Variants in LHFPL3 observed in about 807,000 individuals in gnomAD.
The protein encoded by LHFPL3 is LHFPL tetraspan subfamily member 3 protein.
In LHFPL3, 5 loss-of-function variants were observed where a neutral mutation model predicts 19.3. That is an observed-to-expected ratio of 0.26 (90% CI 0.14 to 0.54). LHFPL3 has a LOEUF of 0.54. Ranked by LOEUF, LHFPL3 falls within the 20% of genes least tolerant of loss-of-function variation. The probability of loss-of-function intolerance (pLI) is 0.94; values close to 1 mark genes in which losing one functional copy is unlikely to be tolerated. For synonymous variants in LHFPL3, 133 were observed against 126.2 expected (o/e 1.05, Z -0.36); for missense variants, 249 against 307.4 (o/e 0.81, Z 1.42).
At chr7:104,784,131 CAA>C (rs1789868368) in intron 2 of LHFPL3, among the ~76,000 whole-genome samples, 1 of 152,132 alleles carries the variant, frequency 6.6e-6, no homozygotes, top group Non-Finnish European at 1.5e-5. Context: ...CTGGAATTGC[CAA>C]AGAGTGGTAG....
intron 1 of LHFPL3, among the ~76,000 whole-genome samples, chr7:104,403,587 G>A (rs985372447): frequency 2.6e-5 from 4 of 152,128 alleles, no homozygotes; most frequent in Admixed American, 1.3e-4. Context: ...GTAATTCTCA[G>A]ATCTCTTTAT....
chr7:104,616,663 T>TG (rs1186822611), intron 1 of LHFPL3, among the ~76,000 whole-genome samples: 1 of 152,198 alleles, frequency 6.6e-6, no homozygotes, highest in East Asian at 1.9e-4. Context: ...AAAGAGCTTC[T>TG]GCACAGCAAA....
chr7:104,642,653 G>A (rs1210142708), intron 1 of LHFPL3, among the ~76,000 whole-genome samples: 1 of 152,064 alleles, frequency 6.6e-6, no homozygotes, highest in Non-Finnish European at 1.5e-5. Flanking sequence ...ACCTCTCCAT[G>A]CAGAAATACA....
intron 1 of LHFPL3, among the ~76,000 whole-genome samples, chr7:104,400,821 C>T (rs1791299825): frequency 6.6e-6 from 1 of 152,150 alleles, no homozygotes; most frequent in Non-Finnish European, 1.5e-5. Flanking sequence ...TTCATAAGAA[C>T]TGTTTATTAT....
rs1271863628 is a variant in LHFPL3, at chr7:104,754,341, G to A, written c.682+17430G>A. On this transcript the variant is annotated intron_variant, in intron 2 of 2. Transcript: ENST00000424859. The stretch of plus-strand genomic sequence containing the variant: ...AAAATATTCACATAAAAATATATAC[G>A]TTAATGGTTGCCTATGGAAGGGGAG... 2.6e-5 allele frequency among the ~76,000 whole-genome samples: 4 copies of A among 152,256 alleles called. No homozygotes were observed. In the East Asian group the frequency reaches 7.7e-4, roughly 29 times the overall value.
chr7:104,549,167 A>G lies in LHFPL3; in HGVS notation c.446-187508A>G, dbSNP rs1008952904. ...CAAATATGACTTTAAAAGTAATGGG[A>G]AAGTCCACACTCCGTGCAGTAACCA... On this transcript the variant is annotated intron_variant, in intron 1 of 2. Coordinates refer to ENST00000424859, the MANE Select transcript of LHFPL3 (RefSeq NM_199000.3). 6.6e-5 allele frequency among the ~76,000 whole-genome samples: 10 copies of G among 152,056 alleles called. 1 individual carries two copies. The highest frequency in any genetic ancestry group is 1.5e-4 in the Non-Finnish European group (10 of 67,990).
chr7:104,772,726 AC>A (rs1413009791), intron 2 of LHFPL3, among the ~76,000 whole-genome samples: 14 of 152,218 alleles, frequency 9.2e-5, no homozygotes, highest in African/African-American at 3.4e-4. Context: ...GAGTGGGTTC[AC>A]CTCCAGAATG....
intron 2 of LHFPL3, among the ~76,000 whole-genome samples, chr7:104,885,150 T>G (rs1310636945): frequency 6.6e-6 from 1 of 152,168 alleles, no homozygotes; most frequent in Non-Finnish European, 1.5e-5. Flanking sequence ...TCGATTTTAT[T>G]TGCTATTTAG....
At chr7:104,498,023 G>A (rs932319256) in intron 1 of LHFPL3, among the ~76,000 whole-genome samples, 3 of 152,102 alleles carry the variant, frequency 2.0e-5, no homozygotes, top group Non-Finnish European at 2.9e-5. Context: ...GGTGTGGGGT[G>A]GAACAAGCAT....
intron 2 of LHFPL3, among the ~76,000 whole-genome samples, chr7:104,866,264 A>G (rs1791720253): frequency 6.6e-6 from 1 of 152,244 alleles, no homozygotes; most frequent in African/African-American, 2.4e-5. Flanking sequence ...TGCTCCAATT[A>G]AAAGACACAG....
intron 1 of LHFPL3, among the ~76,000 whole-genome samples, chr7:104,430,424 A>ATATATG (rs1791961971): frequency 8.9e-5 from 1 of 11,208 alleles, no homozygotes; most frequent in Non-Finnish European, 2.0e-4. Flanking sequence ...ATATACATAT[A>ATATATG]TATATATATA....
chr7:104,336,527 G>A (rs35349153), intron 1 of LHFPL3, among the ~76,000 whole-genome samples: 9,867 of 151,880 alleles, frequency 0.065, 438 homozygotes, highest in Non-Finnish European at 0.095. Context: ...GAAAAATAAG[G>A]GGCTTGCAAG....
At chr7:104,732,822 G>A (rs575882467) in intron 1 of LHFPL3, among the ~76,000 whole-genome samples, 1 of 152,270 alleles carries the variant, frequency 6.6e-6, no homozygotes, top group South Asian at 2.1e-4. Context: ...ATGTTAGGAT[G>A]TCAATTTTAG....
chr7:104,603,117 TC>T (rs1562947497), intron 1 of LHFPL3, among the ~76,000 whole-genome samples: 339 of 136,738 alleles, frequency 2.5e-3, no homozygotes, highest in African/African-American at 9.4e-3. Flanking sequence ...TTTCTTTCTT[TC>T]TTTCTTTCTT....
At chr7:104,517,170 A>G (rs1793935941) in intron 1 of LHFPL3, among the ~76,000 whole-genome samples, 1 of 152,144 alleles carries the variant, frequency 6.6e-6, no homozygotes, top group African/African-American at 2.4e-5. Context: ...GAGGGAGAAG[A>G]TCAGCAAAAA....
intron 2 of LHFPL3, chr7:104,894,962 G>T (rs1490129196): frequency 6.6e-6 from 1 of 152,148 alleles, no homozygotes; most frequent in African/African-American, 2.4e-5. Flanking sequence ...AATCACCTGG[G>T]ATCTCAATAC....
Position 104,518,850 on chromosome 7 carries a change from A to AGATAGATAG in LHFPL3, c.445+189626_445+189627insGATAGATAG, listed in dbSNP as rs748597414. Among the ~76,000 whole-genome samples the AGATAGATAG allele has an allele frequency of 2.0e-3, 283 of 140,084 alleles. 3 individuals carry two copies. The highest frequency in any genetic ancestry group is 6.6e-3 in the African/African-American group (249 of 37,894). The allele number at this position is 140,084 out of a possible 152,430, so 91.9% of individuals were successfully genotyped here. The stretch of plus-strand genomic sequence containing the variant: ...AGATAGATAGATAGATAGATAGAAT[A>AGATAGATAG]AATAAAAAAACTGTGATGCAAGAGC... On this transcript the variant is annotated intron_variant, in intron 1 of 2. Transcript: ENST00000424859.
chr7:104,450,134 A>C (rs1163286877), intron 1 of LHFPL3, among the ~76,000 whole-genome samples: 2 of 152,156 alleles, frequency 1.3e-5, no homozygotes, highest in Non-Finnish European at 2.9e-5. Context: ...AGTTTTCCTG[A>C]GGACTCTTAG....
chr7:104,805,565 C>T lies in LHFPL3; in HGVS notation c.682+68654C>T, dbSNP rs144951232. ...TCAGTTCCTTCCTATTCCCCTGCTTCGTTCACCCCTTCCAGGGTGGCACAG... is the reference window on the plus strand; with the variant it reads ...TCAGTTCCTTCCTATTCCCCTGCTTTGTTCACCCCTTCCAGGGTGGCACAG... On this transcript the variant is annotated intron_variant, in intron 2 of 2. Transcript: ENST00000424859. Among the ~76,000 whole-genome samples the T allele has an allele frequency of 1.3e-3, 193 of 152,340 alleles. 1 individual carries two copies. In the East Asian group the frequency reaches 0.024, roughly 19 times the overall value.
Sources: allele counts gnomAD v4.1 joint callset (sites outside exome capture counted in the v4.1 genomes callset), GRCh38; gene constraint gnomAD v4.1.1; transcripts MANE v1.5; gene names NCBI Gene and HGNC (gene_info 2026-07-23, HGNC 2026-07-21).